Variants in ECEL1 observed in about 807,000 individuals in gnomAD.
ECEL1 encodes endothelin-converting enzyme-like 1.
A neutral mutation model predicts 101.8 loss-of-function variants in ECEL1; 87 were observed. The ratio of observed to expected loss-of-function variants is 0.85; its 90% CI spans 0.72 to 1.02. The LOEUF (loss-of-function observed/expected upper bound fraction) is 1.02. ECEL1 is among the 50% of genes least tolerant of loss of function. ECEL1 has a pLI of 0.00. For synonymous variants in ECEL1, 487 were observed against 468.7 expected, an observed-to-expected ratio of 1.04 and a Z score of -0.50; for missense variants, 1,032 against 1,079.2, an observed-to-expected ratio of 0.96 and a Z score of 0.61.
chr2:232,480,958 G>T, intron 15 of ECEL1, 133 bp downstream of exon 15: 1 of 1,376,246 alleles, frequency 7.3e-7, no homozygotes, highest in Non-Finnish European at 1.0e-6. Context: ...CGTGGCCCCA[G>T]CACATGCCCT....
rs1690605242 is a variant in ECEL1, at chr2:232,482,483, G to A, written c.1745-14C>T. The A allele has an allele frequency of 2.5e-6, 4 of 1,614,044 alleles. No homozygotes were observed. Among genetic ancestry groups the A allele is most frequent in the South Asian group, 1.1e-5 (1 of 91,078 alleles). ...CCGCGGGGAACACTACAAGAAGGGG[G>A]TGCTCAGTGGGAAACCCATCCACTT... On this transcript the variant is annotated splice_polypyrimidine_tract_variant and intron_variant, in intron 11 of 17. Coordinates refer to ENST00000304546, the MANE Select transcript of ECEL1 (RefSeq NM_004826.4).
chr2:232,483,924 A>T, intron 7 of ECEL1, 77 bp downstream of exon 7: 1 of 1,468,794 alleles, frequency 6.8e-7, no homozygotes. Context: ...GGGGCTCCCC[A>T]TATTAGGACC....
At position 232,486,294 on chromosome 2, in the gene ECEL1, G is replaced by C; in HGVS notation, c.360C>G (p.Ile120Met). The C allele has an allele frequency of 3.1e-6, 5 of 1,592,786 alleles. No homozygotes were observed. The highest frequency in any genetic ancestry group is 1.1e-5 in the South Asian group (1 of 89,418). ...RFLAANLDAS[I>M]DPCQDFYSFA... ...ACGAGTAGAAGTCCTGGCATGGGTC[G>C]ATGCTGGCGTCCAGGTTGGCGGCCA... Residue 120 changes from isoleucine (I) to methionine (M), a missense_variant, in exon 2 of 18, where the codon ATC (isoleucine) becomes ATG (methionine). Transcript: ENST00000304546.
chr2:232,485,390 G>C (rs1309602809), intron 2 of ECEL1, 123 bp from the exon 3 acceptor site: 7 of 1,079,924 alleles, frequency 6.5e-6, no homozygotes, highest in Non-Finnish European at 4.0e-6. Context: ...ACAGAAGCAC[G>C]CAGACCCCAG....
Position 232,482,960 on chromosome 2 carries a change from G to A in ECEL1, c.1582-6C>T, listed in dbSNP as rs1690622663. Reference sequence around the variant, plus strand: ...GTCTTCTCATGGACCTCAAACTGCAGGAGGCACGGGCGACACTCAGCGGCA... The same window carrying A: ...GTCTTCTCATGGACCTCAAACTGCAAGAGGCACGGGCGACACTCAGCGGCA... On this transcript the variant is annotated splice_region_variant and splice_polypyrimidine_tract_variant and intron_variant, in intron 9 of 17. Coordinates refer to ENST00000304546, the MANE Select transcript of ECEL1 (RefSeq NM_004826.4). The A allele has an allele frequency of 6.2e-7, 1 of 1,614,102 alleles. No individual in the cohort carries two copies. The highest frequency in any genetic ancestry group is 8.5e-7 in the Non-Finnish European group (1 of 1,180,026).
intron 15 of ECEL1, 120 bp downstream of exon 15, chr2:232,480,971 C>A: frequency 7.1e-7 from 1 of 1,416,888 alleles, no homozygotes; most frequent in Admixed American, 2.0e-5. Flanking sequence ...CATGCCCTGC[C>A]CCACCCCAGG....
At chr2:232,487,291 G>C (rs891583713) in intron 1 of ECEL1, among the ~76,000 whole-genome samples, 1 of 152,170 alleles carries the variant, frequency 6.6e-6, no homozygotes, top group African/African-American at 2.4e-5. Flanking sequence ...CCTTCTGCTC[G>C]GTGGCCCGAC....
In ECEL1 at chr2:232,486,508, C is replaced by T. The variant is rs1325393077; in HGVS notation, c.146G>A (p.Arg49Gln). The change falls in exon 2 of 18, where the codon CGG (arginine) becomes CAG (glutamine). Residue 49 changes from arginine (R) to glutamine (Q), a missense_variant. Transcript: ENST00000304546. ...CCGGTTCCAGCGCGGCAGCCCGGAC[C>T]GGGCCCCGGTGGCGCTGCGCGCAGC... ...LGAARSATGA[R>Q]SGLPRWNRRE... 8 of 1,368,192 alleles carry T rather than the reference C, an allele frequency of 5.8e-6. No individual in the cohort carries two copies. In the African/African-American group the frequency reaches 7.7e-5, roughly 13 times the overall value. The allele number at this position is 1,368,192 out of a possible 1,614,324, so 84.8% of individuals were successfully genotyped here. A position where few individuals can be genotyped will look rare whatever the true frequency, so the allele number is the denominator to read the frequency against.
At position 232,484,213 on chromosome 2, in the gene ECEL1, T is replaced by C; in HGVS notation, c.1195A>G (p.Asn399Asp). ...IRSTPHRVLH[N>D]YLVWRVVVVL... ...ACCACCACGCGCCACACCAGGTAGT[T>C]GTGCAGGACCCTGGGGACCAGGTGA... is the stretch of plus-strand genomic sequence containing the variant. Residue 399 changes from asparagine (N) to aspartate (D), a missense_variant, in exon 7 of 18, where the codon AAC (asparagine) becomes GAC (aspartate). Coordinates refer to ENST00000304546, the MANE Select transcript of ECEL1 (RefSeq NM_004826.4). The C allele has an allele frequency of 6.2e-7, 1 of 1,611,432 alleles. No individual in the cohort carries two copies. The highest frequency in any genetic ancestry group is 2.2e-5 in the East Asian group (1 of 44,830).
Position 232,484,599 on chromosome 2 carries a change from G to A in ECEL1, c.1060-3C>T. ...TCTAGCAGCCACTTCCACCGCAACT[G>A]TGAGACCAAGGACAGGGACAGTGAG... On this transcript the variant is annotated splice_polypyrimidine_tract_variant and splice_region_variant and intron_variant, in intron 5 of 17. Coordinates refer to ENST00000304546, the MANE Select transcript of ECEL1 (RefSeq NM_004826.4). The A allele has an allele frequency of 7.4e-6, 12 of 1,613,860 alleles. No homozygotes were observed. Among genetic ancestry groups the A allele is most frequent in the South Asian group, 1.1e-5 (1 of 91,084 alleles).
intron 2 of ECEL1, 63 bp downstream of exon 2, chr2:232,485,805 T>G: frequency 6.5e-7 from 1 of 1,527,446 alleles, no homozygotes; most frequent in Non-Finnish European, 8.8e-7. Flanking sequence ...CAGGGACCCC[T>G]GGGCAAGGCC....
chr2:232,485,141 G>T, intron 3 of ECEL1, 50 bp from the exon 4 acceptor site: 1 of 1,612,096 alleles, frequency 6.2e-7, no homozygotes. Flanking sequence ...GCCTAGCCTG[G>T]ATCCACCCCT....
chr2:232,485,814 C>A, intron 2 of ECEL1, 54 bp downstream of exon 2: 1 of 1,531,892 alleles, frequency 6.5e-7, no homozygotes, highest in Non-Finnish European at 8.7e-7. Flanking sequence ...CTGGGCAAGG[C>A]CACTGCGCCC....
chr2:232,486,585 G>A lies in ECEL1; in HGVS notation c.69C>T (p.Cys23=). The change falls in exon 2 of 18, where the codon TGC becomes TGT. Residue 23 remains cysteine (C), a synonymous_variant. Coordinates refer to ENST00000304546, the MANE Select transcript of ECEL1 (RefSeq NM_004826.4). ...AGGCCCCGCGCGCGCCCCCCGCGCC[G>A]CAGCGGCTCACGTACTTGACCTCTT... The part of the protein sequence containing the change: ...EFQEVKYVSR[C]GAGGARGASL... 1.4e-6 allele frequency: 2 copies of A among 1,412,816 alleles called. No homozygotes were observed. Among genetic ancestry groups the A allele is most frequent in the South Asian group, 1.5e-5 (1 of 66,356 alleles). The allele number at this position is 1,412,816 out of a possible 1,614,324, so 87.5% of individuals were successfully genotyped here. A position where few individuals can be genotyped will look rare whatever the true frequency, so the allele number is the denominator to read the frequency against.
In ECEL1 at chr2:232,479,984, G is replaced by T; in HGVS notation, c.*169C>A. ...GCCCCCCAAAGTCCAGCCTCACCCT[G>T]CTCCAGGCCCCTCCTGAAGTGAGGG... On this transcript the variant is annotated 3_prime_UTR_variant, in exon 18 of 18. Transcript: ENST00000304546. 1.5e-6 allele frequency: 1 copy of T among 646,360 alleles called. No homozygotes were observed. Among genetic ancestry groups the T allele is most frequent in the Non-Finnish European group, 2.7e-6 (1 of 369,882 alleles). 40.0% of individuals were successfully genotyped at this position (646,360 alleles called of 1,614,324 possible).
intron 14 of ECEL1, 63 bp from the exon 15 acceptor site, chr2:232,481,219 A>G: frequency 2.0e-6 from 3 of 1,531,226 alleles, no homozygotes; most frequent in Non-Finnish European, 2.6e-6. Flanking sequence ...TCAGGCATTG[A>G]TACCCTGGGC....
chr2:232,480,655 G>A, intron 16 of ECEL1, 63 bp downstream of exon 16: 2 of 1,579,248 alleles, frequency 1.3e-6, no homozygotes, highest in South Asian at 2.2e-5. Flanking sequence ...GCAGGACTGG[G>A]ACTGACCCTG....
In ECEL1 at chr2:232,481,630, C is replaced by T. The variant is rs1427396255; in HGVS notation, c.1865G>A (p.Gly622Glu). 3 of 1,613,612 alleles carry T rather than the reference C, an allele frequency of 1.9e-6. No homozygotes were observed. Among genetic ancestry groups the T allele is most frequent in the East Asian group, 2.2e-5 (1 of 44,878 alleles). ...HELTHGYDDW[G>E]GQYDRSGNLL... ...GTTCCCTGAGCGGTCATACTGGCCC[C>T]CTGTGGGCAGTGCAGCAGGCTGAGA... The change falls in exon 14 of 18, where the codon GGG becomes GAG. Residue 622 changes from glycine (G) to glutamate (E), a missense_variant and splice_region_variant. By Grantham distance (98) the Gly-to-Glu change is moderately conservative. Transcript: ENST00000304546.
intron 12 of ECEL1, 49 bp downstream of exon 12, chr2:232,482,369 C>T (rs1448179788): frequency 2.5e-6 from 4 of 1,611,612 alleles, no homozygotes; most frequent in Non-Finnish European, 2.5e-6. Flanking sequence ...ACAAGGTCTG[C>T]AATGCCAGCC....
Sources: gnomAD v4.1 joint callset for allele counts (sites outside exome capture counted in the v4.1 genomes callset) on GRCh38, gnomAD v4.1.1 for gene constraint, MANE v1.5 for transcripts, NCBI Gene and HGNC (gene_info 2026-07-23, HGNC 2026-07-21) for gene names.